Variants in SNTG1 observed in about 807,000 individuals in gnomAD.
SNTG1 encodes gamma-1-syntrophin.
Under a neutral mutation model 74.7 loss-of-function variants are expected in SNTG1, and 39 were observed. The observed-to-expected ratio is 0.52, with a 90% CI of 0.40 to 0.68. The LOEUF (loss-of-function observed/expected upper bound fraction) is 0.68, where lower values mean the gene tolerates loss of function less well. Among genes scored for constraint, SNTG1 ranks in the 30% least tolerant of loss-of-function variants. The pLI is 0.00. For synonymous variants in SNTG1, 254 were observed against 217.1 expected (o/e 1.17, Z -1.49); for missense variants, 685 against 609.5 (o/e 1.12, Z -1.30).
In SNTG1 at chr8:50,057,325, C is replaced by T. The variant is rs563376135; in HGVS notation, c.-102-115236C>T. 3.3e-5 allele frequency among the ~76,000 whole-genome samples: 5 copies of T among 152,220 alleles called. No homozygotes were observed. In the East Asian group the frequency reaches 7.7e-4, roughly 24 times the overall value. ...CAGGTGGAAGCCAGATGCATGAAGA[C>T]ACAATGGGTTAGGGTGATTATACCT... is the stretch of plus-strand genomic sequence containing the variant. On this transcript the variant is annotated intron_variant, in intron 1 of 18. Transcript: ENST00000642720.
At chr8:50,521,163 A>G (rs2094176261) in intron 9 of SNTG1, among the ~76,000 whole-genome samples, 1 of 152,118 alleles carries the variant, frequency 6.6e-6, no homozygotes, top group Non-Finnish European at 1.5e-5. Flanking sequence ...GTAGACTAAC[A>G]CAGGAACAGA....
At chr8:50,165,192 C>T (rs1009696691) in intron 1 of SNTG1, among the ~76,000 whole-genome samples, 9 of 152,224 alleles carry the variant, frequency 5.9e-5, no homozygotes, top group Middle Eastern at 3.4e-3. Flanking sequence ...TCATATTGCT[C>T]GATTTAATTA....
At chr8:50,115,575 A>AACAAAAAAAAAAAAAAAAAAAAC in intron 1 of SNTG1, among the ~76,000 whole-genome samples, 1 of 144,870 alleles carries the variant, frequency 6.9e-6, no homozygotes, top group East Asian at 2.2e-4. Context: ...CTCAAAAAAA[A>AACAAAAAAAAAAAAAAAAAAAAC]AAAAAAAAAA....
At chr8:50,721,493 T>C (rs757994360) in intron 17 of SNTG1, among the ~76,000 whole-genome samples, 9 of 152,200 alleles carry the variant, frequency 5.9e-5, no homozygotes, top group Non-Finnish European at 1.3e-4. Flanking sequence ...CAGAGCATGC[T>C]ATGAATAAAT....
intron 2 of SNTG1, among the ~76,000 whole-genome samples, chr8:50,293,980 G>T (rs6473055): frequency 6.6e-5 from 10 of 151,960 alleles, no homozygotes; most frequent in Admixed American, 3.3e-4. Context: ...TGGAAAGAAC[G>T]TCTTATCAAG....
intron 1 of SNTG1, among the ~76,000 whole-genome samples, chr8:50,154,966 A>G (rs904255280): frequency 6.6e-6 from 1 of 152,250 alleles, no homozygotes; most frequent in African/African-American, 2.4e-5. Flanking sequence ...ACTTAGAATA[A>G]AATGGGTGTA....
At chr8:50,369,883 T>G (rs1332592445) in intron 2 of SNTG1, among the ~76,000 whole-genome samples, 1 of 152,038 alleles carries the variant, frequency 6.6e-6, no homozygotes, top group Non-Finnish European at 1.5e-5. Context: ...TTTTCTGAGT[T>G]GGTTCTGAAG....
At chr8:50,518,428 C>A (rs1283992440) in intron 9 of SNTG1, among the ~76,000 whole-genome samples, 1 of 151,996 alleles carries the variant, frequency 6.6e-6, no homozygotes, top group African/African-American at 2.4e-5. Context: ...AATTTAAAAG[C>A]TAGCAGAAGA....
chr8:50,102,982 G>T (rs1212426249), intron 1 of SNTG1, among the ~76,000 whole-genome samples: 1 of 151,540 alleles, frequency 6.6e-6, no homozygotes, highest in Non-Finnish European at 1.5e-5. Context: ...ATAGTTTGAA[G>T]TCAGGTAGTG....
chr8:49,975,462 G>A (rs1478901392), intron 1 of SNTG1, among the ~76,000 whole-genome samples: 2 of 152,116 alleles, frequency 1.3e-5, no homozygotes, highest in Non-Finnish European at 2.9e-5. Context: ...GCACAGCAGC[G>A]CTTGCCTTCA....
chr8:50,715,879 T>A (rs965413732), intron 17 of SNTG1, among the ~76,000 whole-genome samples: 8 of 152,228 alleles, frequency 5.3e-5, no homozygotes, highest in Non-Finnish European at 7.4e-5. Context: ...TGTTAACACA[T>A]TAACATTTTA....
chr8:50,708,866 A>G lies in SNTG1; in HGVS notation c.1192-20A>G, dbSNP rs1335904891. ...TGCATCAATAACATGAAAAGTAACA[A>G]TACTTTCTGTTCTACCTAGTGCAAG... On this transcript the variant is annotated intron_variant, in intron 16 of 18. Transcript: ENST00000642720. 6.5e-7 allele frequency: 1 copy of G among 1,542,328 alleles called. No individual in the cohort carries two copies. The highest frequency in any genetic ancestry group is 9.0e-7 in the Non-Finnish European group (1 of 1,115,872).
At chr8:50,669,736 C>G (rs2095269778) in intron 15 of SNTG1, among the ~76,000 whole-genome samples, 1 of 151,710 alleles carries the variant, frequency 6.6e-6, no homozygotes, top group African/African-American at 2.4e-5. Flanking sequence ...GAGACACAAC[C>G]AAAAAAGAGA....
chr8:50,410,146 G>A (rs921386343), intron 4 of SNTG1, among the ~76,000 whole-genome samples: 19 of 152,210 alleles, frequency 1.2e-4, no homozygotes, highest in Non-Finnish European at 2.4e-4. Flanking sequence ...GATGTAGGAT[G>A]TGGCTTTTTG....
intron 18 of SNTG1, among the ~76,000 whole-genome samples, chr8:50,761,553 T>C (rs1334049735): frequency 6.6e-6 from 1 of 151,726 alleles, no homozygotes; most frequent in African/African-American, 2.4e-5. Flanking sequence ...TCAGGTTACC[T>C]AGTTTCTCTT....
At position 50,359,506 on chromosome 8, in the gene SNTG1, C is replaced by G. The variant is rs76579811; in HGVS notation, c.-27-34706C>G. The stretch of plus-strand genomic sequence containing the variant: ...CTCCAATTTTTGCATCTCTGTTTTC[C>G]TTGTTGTTCCCAATGTGATAATATT... On this transcript the variant is annotated intron_variant, in intron 2 of 18. Transcript: ENST00000642720. Among the ~76,000 whole-genome samples, 398 of 152,262 alleles carry G rather than the reference C, an allele frequency of 2.6e-3. 2 individuals carry two copies. The highest frequency in any genetic ancestry group is 9.0e-3 in the African/African-American group (373 of 41,554).
intron 1 of SNTG1, among the ~76,000 whole-genome samples, chr8:50,040,942 G>A (rs933224524): frequency 6.6e-6 from 1 of 152,020 alleles, no homozygotes; most frequent in Non-Finnish European, 1.5e-5. Context: ...TGTTACCCAG[G>A]CTGGAGTGTA....
intron 2 of SNTG1, among the ~76,000 whole-genome samples, chr8:50,288,708 G>A (rs1035675859): frequency 6.6e-6 from 1 of 152,136 alleles, no homozygotes; most frequent in Non-Finnish European, 1.5e-5. Context: ...AAAAAAAAAG[G>A]ATAGGATAAA....
At position 50,394,224 on chromosome 8, in the gene SNTG1, G is replaced by A. The variant is rs201039976; in HGVS notation, c.-15G>A. ...TGTGTCTTTTCAGACGACATCCTTT[G>A]TGGTGCCACAGCACATGGATTTCAG... On this transcript the variant is annotated 5_prime_UTR_variant, in exon 3 of 19. It adds an upstream start codon to the 5' untranslated region. Transcript: ENST00000642720. The A allele has an allele frequency of 6.2e-7, 1 of 1,612,372 alleles. No homozygotes were observed. Among genetic ancestry groups the A allele is most frequent in the Non-Finnish European group, 8.5e-7 (1 of 1,179,088 alleles).
Sources: gnomAD v4.1 joint callset for allele counts (sites outside exome capture counted in the v4.1 genomes callset) on GRCh38, gnomAD v4.1.1 for gene constraint, MANE v1.5 for transcripts, NCBI Gene and HGNC (gene_info 2026-07-23, HGNC 2026-07-21) for gene names.